The following OFD1 variants were observed in gnomAD, a reference collection of about 807,000 sequenced individuals.
The protein encoded by OFD1 is OFD1 centriole and centriolar satellite protein.
A neutral mutation model predicts 81.4 loss-of-function variants in OFD1; 12 were observed. The ratio of observed to expected loss-of-function variants is 0.15; its 90% confidence interval spans 0.09 to 0.24. OFD1 has a LOEUF of 0.24. Ranked by LOEUF, OFD1 falls within the 10% of genes least tolerant of loss-of-function variation. The pLI is 1.00. For missense variants in OFD1, 685 were observed against 733.9 expected (o/e 0.93, Z 0.77); for synonymous variants, 256 against 263.7 (o/e 0.97, Z 0.28).
At chrX:13,718,382 A>G in the OFD1 span, among the ~76,000 whole-genome samples, 1 of 113,133 alleles carries the variant, frequency 8.8e-6, no homozygotes, top group African/African-American at 3.2e-5. Flanking sequence ...TTTCTTTTAC[A>G]ATGATGATCA....
the OFD1 span, chrX:13,716,778 G>GA: frequency 6.6e-6 from 6 of 914,294 alleles, no homozygotes; most frequent in South Asian, 2.2e-5. Flanking sequence ...TTCTTGTGGG[G>GA]AAAAAACAGT....
chrX:13,731,492 CAG>C (rs964100077), upstream of OFD1, among the ~76,000 whole-genome samples: 12 of 112,253 alleles, frequency 1.1e-4, no homozygotes, highest in South Asian at 3.6e-4. Context: ...GGTAGGTAAA[CAG>C]AAAGTCATTT....
the OFD1 span, among the ~76,000 whole-genome samples, chrX:13,717,735 G>A: frequency 4.5e-5 from 5 of 111,481 alleles, no homozygotes; most frequent in East Asian, 2.8e-4. Flanking sequence ...GCAAAACTCC[G>A]TCTCAAAAAA....
rs908201205 is a variant in OFD1, at chrX:13,760,221, G to A, written c.1761G>A (p.Gly587=). The A allele has an allele frequency of 8.3e-7, 1 of 1,209,837 alleles. No individual in the cohort carries two copies. Among genetic ancestry groups the A allele is most frequent in the East Asian group, 3.0e-5 (1 of 33,781 alleles). Residue 587 remains glycine (G), a synonymous_variant, in exon 16 of 23, where the codon GGG becomes GGA. Transcript: ENST00000340096. The stretch of plus-strand genomic sequence containing the variant: ...TGCCTTGCAATGGTGAGATAAGTGG[G>A]GATTTCTTGAACAATCCTTTTAAAC... The part of the protein sequence containing the change: ...NVVPCNGEIS[G]DFLNNPFKQE...
chrX:13,729,630 T>TG, the OFD1 span, among the ~76,000 whole-genome samples: 1 of 112,145 alleles, frequency 8.9e-6, no homozygotes, highest in Admixed American at 9.4e-5. Flanking sequence ...ATGTTAGGGC[T>TG]GGGCACGGTG....
Position 13,763,852 on chromosome X carries a change from C to G in OFD1, c.2596C>G (p.Pro866Ala). 8.4e-7 allele frequency: 1 copy of G among 1,195,153 alleles called. No individual in the cohort carries two copies. Among genetic ancestry groups the G allele is most frequent in the African/African-American group, 1.7e-5 (1 of 57,447 alleles). ...AAAVPLSYQH[P>A]SVDQKQIEEQ... is the part of the protein sequence containing the mutation. ...TGCTGTGCCCCTCTCATATCAGCAC[C>G]CAAGTAAGTTCTTTTTTTGAACTAA... The change falls in exon 19 of 23, where the codon CCA becomes GCA. Residue 866 changes from proline (P) to alanine (A), a missense_variant. Coordinates refer to ENST00000340096, the MANE Select transcript of OFD1 (RefSeq NM_003611.3).
intron 21 of OFD1, 95 bp from the exon 22 acceptor site, chrX:13,768,623 A>T: frequency 1.4e-6 from 1 of 707,714 alleles, no homozygotes; most frequent in Non-Finnish European, 2.2e-6. Flanking sequence ...TTAGACTTTT[A>T]AATTACATAT....
chrX:13,772,113 C>T (rs1268364633), downstream of OFD1: 2 of 112,230 alleles, frequency 1.8e-5, no homozygotes, highest in Admixed American at 9.5e-5. Context: ...AAAGCAAATA[C>T]TCATTAAGGC....
chrX:13,740,952 C>T (rs951406763), intron 5 of OFD1, among the ~76,000 whole-genome samples: 1 of 110,187 alleles, frequency 9.1e-6, no homozygotes, highest in African/African-American at 3.3e-5. Context: ...TCCTGGCCAA[C>T]ATGGTGAAAC....
At chrX:13,734,349 G>T (rs1008213424), upstream of OFD1, among the ~76,000 whole-genome samples, 20 of 111,645 alleles carry the variant, frequency 1.8e-4, no homozygotes, top group African/African-American at 6.5e-4. Flanking sequence ...CCGAGAGGGC[G>T]GACGTCTGCA....
downstream of OFD1, chrX:13,771,180 TAAACA>T (rs1008881423): frequency 1.8e-5 from 2 of 112,074 alleles, no homozygotes; most frequent in Admixed American, 9.5e-5. Flanking sequence ...TTAGACTACT[TAAACA>T]AAACTTTCAA....
At chrX:13,749,588 A>G in intron 9 of OFD1, 55 bp downstream of exon 9, 1 of 740,301 alleles carries the variant, frequency 1.4e-6, no homozygotes, top group Non-Finnish European at 2.1e-6. Context: ...AAAAAGAATT[A>G]CTAAATATAT....
intron 5 of OFD1, among the ~76,000 whole-genome samples, chrX:13,743,008 ACT>A (rs1408301552): frequency 1.8e-5 from 2 of 112,015 alleles, no homozygotes; most frequent in Non-Finnish European, 3.8e-5. Context: ...TGAGCTAACT[ACT>A]GTTTTTAGTT....
intron 10 of OFD1, among the ~76,000 whole-genome samples, chrX:13,751,901 G>A (rs965351772): frequency 8.9e-6 from 1 of 112,181 alleles, no homozygotes; most frequent in Non-Finnish European, 1.9e-5. Context: ...CTTCTCTAAC[G>A]TTTATTGTGG....
At position 13,751,246 on chromosome X, in the gene OFD1, C is replaced by T; in HGVS notation, c.936-3C>T. 8.3e-7 allele frequency: 1 copy of T among 1,205,855 alleles called. No homozygotes were observed. Among genetic ancestry groups the T allele is most frequent in the Non-Finnish European group, 1.1e-6 (1 of 891,838 alleles). On this transcript the variant is annotated splice_region_variant and splice_polypyrimidine_tract_variant and intron_variant, in intron 9 of 22. Transcript: ENST00000340096. ...TTACTTTTTATATTTTTGTTAATTT[C>T]AGGAACCAGAAGCTCCAGGAAGAAA... is the stretch of plus-strand genomic sequence containing the variant.
Position 13,755,226 on chromosome X carries a change from G to A in OFD1, c.1205G>A (p.Arg402His), listed in dbSNP as rs1283023888. ...KKEELNQSVNRVKELELELES... is the reference protein window; with the variant it reads ...KKEELNQSVNHVKELELELES... ...GAGGAACTCAATCAATCTGTAAATC[G>A]TGTGAAAGAACTTGAGGTAATTGTT... is the stretch of plus-strand genomic sequence containing the variant. Residue 402 changes from arginine (R) to histidine (H), a missense_variant, in exon 12 of 23, where the codon CGT (arginine) becomes CAT (histidine). Around this residue, in one of 3 missense-constraint regions of OFD1, gnomAD observed 414 missense variants for 447.2 expected, o/e 0.93. Transcript: ENST00000340096. 1.3e-5 allele frequency: 16 copies of A among 1,188,988 alleles called. No homozygotes were observed. The highest frequency in any genetic ancestry group is 3.0e-5 in the East Asian group (1 of 33,769).
downstream of OFD1, chrX:13,771,156 TTACATAAAAAATATTAGAC>T (rs1444810927): frequency 8.9e-6 from 1 of 112,184 alleles, no homozygotes; most frequent in Non-Finnish European, 1.9e-5. Flanking sequence ...TTAATGCTCT[TTACATAAAAAATATTAGAC>T]TACTTAAACA....
At chrX:13,767,091 A>G (rs2048155988) in intron 19 of OFD1, 36 bp from the exon 20 acceptor site, 1 of 1,188,187 alleles carries the variant, frequency 8.4e-7, no homozygotes, top group Admixed American at 2.2e-5. Context: ...GAATAATCTG[A>G]TACTGGAAGC....
At position 13,744,198 on chromosome X, in the gene OFD1, T is replaced by G. The variant is rs150212757; in HGVS notation, c.413-217T>G. Among the ~76,000 whole-genome samples the G allele has an allele frequency of 3.6e-3, 399 of 110,877 alleles. 1 individual carries two copies. The highest frequency in any genetic ancestry group is 9.3e-3 in the Middle Eastern group (2 of 216). Reference sequence around the variant, plus strand: ...GTCCCAGCTACTTGGGAGACTGATGTAGGAGGATTGCTTGAGCCCAGGAGG... The same window carrying G: ...GTCCCAGCTACTTGGGAGACTGATGGAGGAGGATTGCTTGAGCCCAGGAGG... On this transcript the variant is annotated intron_variant, in intron 5 of 22. Transcript: ENST00000340096.
Sources: gnomAD v4.1 joint callset for allele counts (sites outside exome capture counted in the v4.1 genomes callset) on GRCh38, gnomAD v4.1.1 for gene constraint, gnomAD v4.1.1 regional missense constraint, MANE v1.5 for transcripts, NCBI Gene and HGNC (gene_info 2026-07-23, HGNC 2026-07-21) for gene names.